The following PPP6R3 variants were observed in gnomAD, a reference collection of about 807,000 sequenced individuals.
The protein encoded by PPP6R3 is protein phosphatase 6 regulatory subunit 3.
In PPP6R3, 38 loss-of-function variants were observed where a neutral mutation model predicts 110.7. The ratio of observed to expected loss-of-function variants is 0.34; its 90% CI spans 0.26 to 0.45. The LOEUF (loss-of-function observed/expected upper bound fraction) is 0.45. PPP6R3 is among the 20% of genes least tolerant of loss of function. PPP6R3 has a pLI of 1.00. For missense variants in PPP6R3, 870 were observed against 1,062.4 expected (o/e 0.82, Z 2.52); for synonymous variants, 369 against 373.5 (o/e 0.99, Z 0.14).
chr11:68,592,174 G>A (rs907059627), intron 18 of PPP6R3, among the ~76,000 whole-genome samples: 7 of 151,166 alleles, frequency 4.6e-5, no homozygotes, highest in East Asian at 1.9e-4. Context: ...TAAATCATCC[G>A]TATCACAGGA....
chr11:68,485,262 A>G (rs1018501874), intron 1 of PPP6R3, among the ~76,000 whole-genome samples: 9 of 147,016 alleles, frequency 6.1e-5, no homozygotes, highest in Non-Finnish European at 1.2e-4. Flanking sequence ...AATGGCTTAT[A>G]AGTTCTGGGA....
At chr11:68,606,316 C>CTTCTTCT (rs1028582202) in intron 22 of PPP6R3, among the ~76,000 whole-genome samples, 2 of 151,724 alleles carry the variant, frequency 1.3e-5, no homozygotes, top group East Asian at 3.9e-4. Context: ...CTCCTTCTTT[C>CTTCTTCT]TTCTTCTTTC....
chr11:68,571,670 C>T (rs1047149102), intron 12 of PPP6R3, among the ~76,000 whole-genome samples: 4 of 152,194 alleles, frequency 2.6e-5, no homozygotes. Context: ...GCATTCCTCT[C>T]TAGTGCCCTG....
At chr11:68,531,054 T>A (rs1014155871) in intron 2 of PPP6R3, among the ~76,000 whole-genome samples, 1 of 152,120 alleles carries the variant, frequency 6.6e-6, no homozygotes, top group Non-Finnish European at 1.5e-5. Context: ...TGATATCAAC[T>A]TTTTCAGAGG....
intron 15 of PPP6R3, chr11:68,586,188 A>C (rs1189109831): frequency 3.3e-5 from 5 of 152,202 alleles, no homozygotes; most frequent in Non-Finnish European, 5.9e-5. Context: ...TCTGATCTGT[A>C]GATAAACTCA....
intron 5 of PPP6R3, among the ~76,000 whole-genome samples, chr11:68,549,415 G>A (rs954885856): frequency 2.6e-5 from 4 of 152,198 alleles, no homozygotes; most frequent in Non-Finnish European, 5.9e-5. Flanking sequence ...GTAGGGAGGT[G>A]TGCCAGGTGT....
intron 1 of PPP6R3, among the ~76,000 whole-genome samples, chr11:68,484,418 T>C (rs532192885): frequency 6.6e-6 from 1 of 152,318 alleles, no homozygotes; most frequent in African/African-American, 2.4e-5. Context: ...TGTTGTGCTA[T>C]CTCATTGTTG....
chr11:68,558,980 T>G (rs759763381), intron 8 of PPP6R3, among the ~76,000 whole-genome samples: 16 of 152,240 alleles, frequency 1.1e-4, no homozygotes, highest in Non-Finnish European at 2.2e-4. Context: ...ACATGTATAA[T>G]GGCTGAAAAA....
Position 68,603,478 on chromosome 11 carries a change from T to A in PPP6R3, c.2436T>A (p.Thr812=). The change falls in exon 22 of 24, where the codon ACT becomes ACA. Residue 812 remains threonine (T), a synonymous_variant. Coordinates refer to ENST00000393800, the MANE Select transcript of PPP6R3 (RefSeq NM_001164161.2). ...TCACTGTAGATGCCAAGACAGAGAC[T>A]GCGGTCTTCAAAAGGTAACCAGGGG... ...LSLTVDAKTE[T]AVFKSEEGKL... 1 of 1,614,158 alleles carries A rather than the reference T, an allele frequency of 6.2e-7. No homozygotes were observed. The highest frequency in any genetic ancestry group is 1.1e-5 in the South Asian group (1 of 91,082).
chr11:68,601,698 A>C (rs955243124), intron 20 of PPP6R3, among the ~76,000 whole-genome samples, 165 bp from the exon 21 acceptor site: 1 of 152,174 alleles, frequency 6.6e-6, no homozygotes, highest in Non-Finnish European at 1.5e-5. Flanking sequence ...TCAAACAGCT[A>C]CTGGCACTTA....
intron 12 of PPP6R3, 59 bp downstream of exon 12, chr11:68,571,163 T>TA: frequency 6.4e-7 from 1 of 1,555,104 alleles, no homozygotes; most frequent in Non-Finnish European, 8.6e-7. Context: ...AGGAAAATAA[T>TA]ACCTCCTTGC....
intron 20 of PPP6R3, 26 bp from the exon 21 acceptor site, chr11:68,601,837 T>G (rs761946198): frequency 6.4e-7 from 1 of 1,570,384 alleles, no homozygotes; most frequent in Admixed American, 1.7e-5. Flanking sequence ...CTGCTGCTAA[T>G]ATCTGAATTT....
At chr11:68,477,540 C>T (rs1176688964) in intron 1 of PPP6R3, among the ~76,000 whole-genome samples, 1 of 151,042 alleles carries the variant, frequency 6.6e-6, no homozygotes. Flanking sequence ...GCCTGTGCAA[C>T]ATAGGGAGAC....
chr11:68,490,588 T>C (rs1286362876), intron 1 of PPP6R3, among the ~76,000 whole-genome samples: 2 of 152,192 alleles, frequency 1.3e-5, no homozygotes, highest in African/African-American at 2.4e-5. Flanking sequence ...ACATATGTTA[T>C]ACCTTTTGTA....
intron 1 of PPP6R3, among the ~76,000 whole-genome samples, chr11:68,498,231 A>C (rs1486004809): frequency 6.6e-6 from 1 of 152,136 alleles, no homozygotes; most frequent in Non-Finnish European, 1.5e-5. Flanking sequence ...TTTTATGTTA[A>C]TACATTTTAA....
rs139108379 is a variant in PPP6R3, at chr11:68,506,011, G to A, written c.-157-13490G>A. ...TTTTATCCTTTTTTTCTTTATTTTT[G>A]GACACTGATAAGAACCTGTATGAGA... On this transcript the variant is annotated intron_variant, in intron 1 of 23. Transcript: ENST00000393800. Among the ~76,000 whole-genome samples the A allele has an allele frequency of 1.7e-4, 26 of 151,626 alleles. 1 individual carries two copies. The East Asian group carries it at 2.9e-3, about 17-fold the overall frequency.
chr11:68,573,153 T>TATAA (rs1468107550), intron 12 of PPP6R3, among the ~76,000 whole-genome samples: 60 of 103,602 alleles, frequency 5.8e-4, no homozygotes, highest in African/African-American at 2.1e-3. Context: ...TATATATATA[T>TATAA]AATTTTTTTT....
rs1105418 is a variant in PPP6R3 at position 68,482,778 on chromosome 11, C to G, written c.-158+21951C>G. ...AATCCTTTTCCATCTTCTGTTGTTA[C>G]TGGTTTTGTGTCTCCTTTCTTGATT... On this transcript the variant is annotated intron_variant, in intron 1 of 23. Coordinates refer to ENST00000393800, the MANE Select transcript of PPP6R3 (RefSeq NM_001164161.2). 4.0e-3 allele frequency among the ~76,000 whole-genome samples: 607 copies of G among 152,098 alleles called. 1 individual carries two copies. The highest frequency in any genetic ancestry group is 0.01 in the Admixed American group (160 of 15,270).
chr11:68,609,912 G>A lies in PPP6R3; in HGVS notation c.2459G>A (p.Gly820Glu). 1 of 1,614,058 alleles carries A rather than the reference G, an allele frequency of 6.2e-7. No individual in the cohort carries two copies. Among genetic ancestry groups the A allele is most frequent in the Non-Finnish European group, 8.5e-7 (1 of 1,179,960 alleles). Residue 820 changes from glycine to glutamate, a missense_variant, in exon 23 of 24, where the codon GGG (glycine) becomes GAG (glutamate). Coordinates refer to ENST00000393800, the MANE Select transcript of PPP6R3 (RefSeq NM_001164161.2). ...TETAVFKSEEGKLSTSQDAAC... is the reference protein window; with the variant it reads ...TETAVFKSEEEKLSTSQDAAC... ...CATCCTCTTTACTGCAGTGAGGAAG[G>A]GAAACTGTCTACCTCTCAAGATGCT... is the stretch of plus-strand genomic sequence containing the variant.
Sources: allele counts gnomAD v4.1 joint callset (sites outside exome capture counted in the v4.1 genomes callset), GRCh38; gene constraint gnomAD v4.1.1; transcripts MANE v1.5; gene names NCBI Gene and HGNC (gene_info 2026-07-23, HGNC 2026-07-21).